Variants in VPS41 observed in about 807,000 individuals in gnomAD.
VPS41 encodes vacuolar protein sorting-associated protein 41 homolog.
VPS41 carries 85 observed loss-of-function variants against 130.9 expected under a neutral mutation model. The observed-to-expected ratio is 0.65, with a 90% CI of 0.55 to 0.78. VPS41 has a LOEUF of 0.78. Among genes scored for constraint, VPS41 ranks in the 30% least tolerant of loss-of-function variants. The pLI is 0.00. For synonymous variants in VPS41, 335 were observed against 332.9 expected (o/e 1.01, Z -0.07); for missense variants, 874 against 1,018.7 (o/e 0.86, Z 1.93).
At chr7:38,895,076 C>T (rs1385799663) in intron 2 of VPS41, among the ~76,000 whole-genome samples, 7 of 152,222 alleles carry the variant, frequency 4.6e-5, no homozygotes, top group African/African-American at 1.2e-4. Flanking sequence ...AATCCCAACA[C>T]TTTGGGAGGC....
chr7:38,770,427 A>ATTTT (rs534243287), intron 14 of VPS41, among the ~76,000 whole-genome samples: 5,337 of 143,928 alleles, frequency 0.037, 329 homozygotes, highest in African/African-American at 0.13. Flanking sequence ...TTTTGGCTGG[A>ATTTT]TTTTTTTTTT....
chr7:38,893,448 C>T (rs1269003310), intron 2 of VPS41, among the ~76,000 whole-genome samples: 1 of 152,202 alleles, frequency 6.6e-6, no homozygotes, highest in Admixed American at 6.5e-5. Flanking sequence ...GCAATCATCC[C>T]TAAGTATTGA....
chr7:38,780,302 G>A (rs1164922618), intron 10 of VPS41, among the ~76,000 whole-genome samples: 4 of 151,490 alleles, frequency 2.6e-5, no homozygotes, highest in Non-Finnish European at 4.4e-5. Flanking sequence ...CTCAGCTCGC[G>A]GGCCCTGCAG....
At chr7:38,850,649 A>G (rs1785834953) in intron 4 of VPS41, among the ~76,000 whole-genome samples, 1 of 152,164 alleles carries the variant, frequency 6.6e-6, no homozygotes, top group African/African-American at 2.4e-5. Flanking sequence ...TAGCGACTTA[A>G]TTCTTCTGAT....
At chr7:38,861,501 T>C (rs1461438353) in intron 4 of VPS41, among the ~76,000 whole-genome samples, 1 of 152,184 alleles carries the variant, frequency 6.6e-6, no homozygotes, top group Non-Finnish European at 1.5e-5. Context: ...GCCTGATGCA[T>C]GAGTATGATT....
intron 1 of VPS41, among the ~76,000 whole-genome samples, chr7:38,900,419 G>A (rs1305815460): frequency 6.6e-6 from 1 of 151,944 alleles, no homozygotes; most frequent in Non-Finnish European, 1.5e-5. Flanking sequence ...TAGATGATGA[G>A]AAAATTATTT....
chr7:38,894,869 G>A (rs2116427927), intron 2 of VPS41, among the ~76,000 whole-genome samples: 1 of 152,208 alleles, frequency 6.6e-6, no homozygotes, highest in African/African-American at 2.4e-5. Context: ...TCAGCTGTAG[G>A]ACATTAGGCA....
chr7:38,777,395 AG>A (rs2115874001), intron 10 of VPS41, among the ~76,000 whole-genome samples: 1 of 152,342 alleles, frequency 6.6e-6, no homozygotes, highest in East Asian at 1.9e-4. Context: ...TTTAAAATCA[AG>A]AAGACATATT....
intron 13 of VPS41, 23 bp from the exon 14 acceptor site, chr7:38,771,277 AT>A: frequency 9.2e-6 from 13 of 1,412,590 alleles, no homozygotes; most frequent in South Asian, 2.5e-5. Context: ...CATAAGGATG[AT>A]TTAAAAAAAA....
intron 9 of VPS41, among the ~76,000 whole-genome samples, chr7:38,793,196 G>A (rs898772115): frequency 6.6e-6 from 1 of 152,160 alleles, no homozygotes; most frequent in African/African-American, 2.4e-5. Context: ...TTTCCCAAGG[G>A]AAGGAACTCA....
intron 2 of VPS41, among the ~76,000 whole-genome samples, chr7:38,875,386 A>G (rs1012430625): frequency 1.3e-5 from 2 of 152,226 alleles, no homozygotes; most frequent in African/African-American, 4.8e-5. Context: ...ACCTGAAGGT[A>G]AAGTTCAAAA....
At chr7:38,776,541 A>T (rs1249383421) in intron 11 of VPS41, 138 bp downstream of exon 11, 6 of 531,852 alleles carry the variant, frequency 1.1e-5, no homozygotes, top group African/African-American at 1.1e-4. Flanking sequence ...TCTAAAGGGT[A>T]ATCTCTGCCA....
At chr7:38,880,915 C>T (rs1786590137) in intron 2 of VPS41, among the ~76,000 whole-genome samples, 1 of 152,162 alleles carries the variant, frequency 6.6e-6, no homozygotes, top group Non-Finnish European at 1.5e-5. Flanking sequence ...TACAGCTCCC[C>T]ACAGTATTAG....
intron 2 of VPS41, among the ~76,000 whole-genome samples, 156 bp downstream of exon 2, chr7:38,897,935 A>G (rs918510276): frequency 1.3e-5 from 2 of 152,196 alleles, no homozygotes; most frequent in African/African-American, 2.4e-5. Flanking sequence ...TTTTTAAGAT[A>G]GCTGGCATAT....
chr7:38,802,332 G>A (rs1012263844), intron 7 of VPS41, among the ~76,000 whole-genome samples: 17 of 152,112 alleles, frequency 1.1e-4, no homozygotes, highest in African/African-American at 3.9e-4. Flanking sequence ...GATGTTACCT[G>A]CCTGGCCCCG....
In VPS41 at chr7:38,877,003, G is replaced by A. The variant is rs141716340; in HGVS notation, c.61-7750C>T. Among the ~76,000 whole-genome samples, 409 of 152,234 alleles carry A rather than the reference G, an allele frequency of 2.7e-3. 2 individuals are homozygous for A. Among genetic ancestry groups the A allele is most frequent in the African/African-American group, 9.1e-3 (379 of 41,538 alleles). On this transcript the variant is annotated intron_variant, in intron 2 of 28. Transcript: ENST00000310301. ...ATGGAATAACCTCACCAATCTTCAA[G>A]CTATGCCATTCAGGTGGACAATTTC...
intron 3 of VPS41, among the ~76,000 whole-genome samples, 173 bp downstream of exon 3, chr7:38,868,973 C>T (rs563743625): frequency 1.2e-3 from 183 of 152,116 alleles, no homozygotes; most frequent in African/African-American, 4.1e-3. Context: ...TGAATGGGCG[C>T]GTACACACAT....
chr7:38,739,839 C>G (rs1171319541), intron 25 of VPS41, among the ~76,000 whole-genome samples: 1 of 152,190 alleles, frequency 6.6e-6, no homozygotes, highest in Non-Finnish European at 1.5e-5. Context: ...GAACTACATA[C>G]TTACATATCT....
intron 10 of VPS41, among the ~76,000 whole-genome samples, chr7:38,782,120 T>C (rs548909363): frequency 6.6e-6 from 1 of 152,334 alleles, no homozygotes; most frequent in Admixed American, 6.5e-5. Context: ...TTTGTTTCTA[T>C]TGTCCCTGTC....
Sources: gnomAD v4.1 joint callset for allele counts (sites outside exome capture counted in the v4.1 genomes callset) on GRCh38, gnomAD v4.1.1 for gene constraint, MANE v1.5 for transcripts, NCBI Gene and HGNC (gene_info 2026-07-23, HGNC 2026-07-21) for gene names.